The following KIAA1217 variants were observed in gnomAD, a reference collection of about 807,000 sequenced individuals.
KIAA1217 encodes the protein sickle tail protein homolog.
A neutral mutation model predicts 163.9 loss-of-function variants in KIAA1217; 88 were observed. The observed-to-expected ratio is 0.54, with a 90% CI of 0.45 to 0.64. KIAA1217 has a LOEUF of 0.64. Ranked by LOEUF, KIAA1217 falls within the 30% of genes least tolerant of loss-of-function variation. The pLI is 0.00. For missense variants in KIAA1217, 2,372 were observed against 2,475.0 expected (o/e 0.96, Z 0.88); for synonymous variants, 903 against 923.1 (o/e 0.98, Z 0.39).
intron 1 of KIAA1217, among the ~76,000 whole-genome samples, chr10:23,860,875 T>A (rs1017046494): frequency 4.6e-5 from 7 of 151,920 alleles, no homozygotes; most frequent in Non-Finnish European, 8.8e-5. Context: ...TCTTTTCTCC[T>A]CTCTTTTTCT....
At position 24,055,879 on chromosome 10, in the gene KIAA1217, C is replaced by A. The variant is rs1436555033; in HGVS notation, c.-171+48505C>A. ...TAGCTATAAATAGAAGAATCATCAA[C>A]AAATAATAACAGGAGCTGTACATAA... On this transcript the variant is annotated intron_variant, in intron 2 of 18. Coordinates refer to the KIAA1217 transcript ENST00000376462. Among the ~76,000 whole-genome samples the A allele has an allele frequency of 2.0e-5, 3 of 151,232 alleles. No individual in the cohort carries two copies. The East Asian group carries it at 5.8e-4, about 29-fold the overall frequency.
At chr10:24,048,675 A>T (rs1164669982) in intron 2 of KIAA1217, among the ~76,000 whole-genome samples, 1 of 150,870 alleles carries the variant, frequency 6.6e-6, no homozygotes, top group Non-Finnish European at 1.5e-5. Context: ...GGTTGCAGTG[A>T]GCCAAGATCA....
chr10:23,763,402 T>C (rs1354301195), intron 1 of KIAA1217, among the ~76,000 whole-genome samples: 7 of 152,188 alleles, frequency 4.6e-5, no homozygotes, highest in Non-Finnish European at 1.0e-4. Context: ...ATGGTACTGG[T>C]ACCAAGACAG....
At chr10:24,434,518 G>A (rs1220314201) in intron 4 of KIAA1217, among the ~76,000 whole-genome samples, 9 of 152,050 alleles carry the variant, frequency 5.9e-5, no homozygotes, top group Non-Finnish European at 1.2e-4. Flanking sequence ...TTAATCTTTT[G>A]TAGAGACAGA....
chr10:23,972,675 CT>C (rs1845365699), intron 1 of KIAA1217, among the ~76,000 whole-genome samples: 1 of 152,028 alleles, frequency 6.6e-6, no homozygotes, highest in South Asian at 2.1e-4. Flanking sequence ...TATTGCAGCA[CT>C]ATTTACAATA....
intron 1 of KIAA1217, among the ~76,000 whole-genome samples, chr10:23,712,394 A>T (rs1432843718): frequency 6.6e-6 from 1 of 151,760 alleles, no homozygotes; most frequent in Non-Finnish European, 1.5e-5. Flanking sequence ...ATGTTCATTG[A>T]CTTGGCTACC....
chr10:23,838,250 T>G (rs991372623), intron 1 of KIAA1217, among the ~76,000 whole-genome samples: 5 of 152,190 alleles, frequency 3.3e-5, no homozygotes, highest in African/African-American at 1.2e-4. Context: ...TTAAAAGGCT[T>G]AAGACTTTGG....
intron 1 of KIAA1217, among the ~76,000 whole-genome samples, chr10:23,927,789 G>A (rs11013791): frequency 0.031 from 4,673 of 152,226 alleles, 170 homozygotes; most frequent in Non-Finnish European, 0.036. Context: ...TGCTATTCAG[G>A]CCTCCGGAGA....
At chr10:24,487,502 A>C (rs2065563845) in intron 6 of KIAA1217, among the ~76,000 whole-genome samples, 1 of 152,260 alleles carries the variant, frequency 6.6e-6, no homozygotes, top group Admixed American at 6.5e-5. Flanking sequence ...TATTTATTAG[A>C]GAGAATACCA....
intron 3 of KIAA1217, among the ~76,000 whole-genome samples, chr10:24,415,224 C>T (rs1159344531): frequency 6.6e-6 from 1 of 151,330 alleles, no homozygotes. Context: ...AAGCGATTCT[C>T]CTGCCTCAGC....
rs1179635485 is a variant in KIAA1217 at position 24,533,216 on chromosome 10, C to T, written c.3393C>T (p.Asp1131=). The T allele has an allele frequency of 1.2e-6, 2 of 1,612,156 alleles. No individual in the cohort carries two copies. Among genetic ancestry groups the T allele is most frequent in the Non-Finnish European group, 1.7e-6 (2 of 1,179,368 alleles). ...KDEEEEEEEG[D]KIMAELQAFQ... ...AGGAGGAAGAAGAAGAAGAAGGAGA[C>T]AAAATAATGGCAGAACTCCAGGTAT... Residue 1131 remains aspartate (D), a synonymous_variant, in exon 16 of 21, where the codon GAC becomes GAT. Transcript: ENST00000376454.
At chr10:23,706,202 A>G (rs1173834137) in intron 1 of KIAA1217, among the ~76,000 whole-genome samples, 1 of 152,124 alleles carries the variant, frequency 6.6e-6, no homozygotes, top group Non-Finnish European at 1.5e-5. Flanking sequence ...TCATCTGTGA[A>G]TAGACAGTTT....
intron 2 of KIAA1217, among the ~76,000 whole-genome samples, chr10:24,232,167 T>C (rs116588652): frequency 1.8e-3 from 277 of 152,320 alleles, no homozygotes; most frequent in African/African-American, 6.4e-3. Context: ...CATTACATAG[T>C]AGGACATCTT....
chr10:24,277,580 G>A (rs1242527057), intron 2 of KIAA1217, among the ~76,000 whole-genome samples: 1 of 152,220 alleles, frequency 6.6e-6, no homozygotes. Flanking sequence ...TTTTCCCCAT[G>A]CTATTTTCAT....
intron 1 of KIAA1217, among the ~76,000 whole-genome samples, chr10:23,991,571 A>C (rs1436169480): frequency 1.3e-5 from 2 of 152,208 alleles, no homozygotes; most frequent in Non-Finnish European, 2.9e-5. Flanking sequence ...TTTGAACTGG[A>C]CTGTAAAATG....
At chr10:24,148,949 C>T (rs2131853043) in intron 2 of KIAA1217, among the ~76,000 whole-genome samples, 1 of 152,206 alleles carries the variant, frequency 6.6e-6, no homozygotes, top group Non-Finnish European at 1.5e-5. Flanking sequence ...GATATGGAAA[C>T]TTCTGTGAGT....
intron 1 of KIAA1217, among the ~76,000 whole-genome samples, chr10:23,704,162 G>GTATATA (rs1836695222): frequency 1.3e-5 from 1 of 77,988 alleles, no homozygotes; most frequent in East Asian, 3.7e-4. Flanking sequence ...GTGTGTGTGT[G>GTATATA]TGTGTGTGTG....
chr10:24,406,723 G>A, intron 3 of KIAA1217, among the ~76,000 whole-genome samples: 1 of 152,306 alleles, frequency 6.6e-6, no homozygotes, highest in South Asian at 2.1e-4. Context: ...GATTTGAAAT[G>A]TGTTGCCTTC....
chr10:24,063,655 A>C (rs554730140), intron 2 of KIAA1217, among the ~76,000 whole-genome samples: 3 of 152,266 alleles, frequency 2.0e-5, no homozygotes, highest in Non-Finnish European at 2.9e-5. Flanking sequence ...ACTTTAAAGT[A>C]GTTTTTTTCC....
Sources: gnomAD v4.1 joint callset for allele counts (sites outside exome capture counted in the v4.1 genomes callset) on GRCh38, gnomAD v4.1.1 for gene constraint, MANE v1.5 for transcripts, NCBI Gene and HGNC (gene_info 2026-07-23, HGNC 2026-07-21) for gene names.